Variants in PDZRN3 observed in about 807,000 individuals in gnomAD.
PDZRN3 encodes E3 ubiquitin-protein ligase PDZRN3.
A neutral mutation model predicts 85.7 loss-of-function variants in PDZRN3; 38 were observed. That is an observed-to-expected ratio of 0.44 (90% confidence interval 0.34 to 0.58). The LOEUF (loss-of-function observed/expected upper bound fraction) is 0.58. Ranked by LOEUF, PDZRN3 falls within the 20% of genes least tolerant of loss-of-function variation. The pLI, the probability that PDZRN3 is intolerant of heterozygous loss-of-function variation, is 0.01. For synonymous variants in PDZRN3, 759 were observed against 638.0 expected (o/e 1.19, Z -2.86); for missense variants, 1,629 against 1,506.4 (o/e 1.08, Z -1.35).
chr3:73,461,739 T>TA (rs1330585992), intron 3 of PDZRN3, among the ~76,000 whole-genome samples: 1 of 152,228 alleles, frequency 6.6e-6, no homozygotes, highest in Non-Finnish European at 1.5e-5. Context: ...CATGTGTACA[T>TA]AAAAAAAGTA....
At chr3:73,433,704 C>T in intron 3 of PDZRN3, 1 of 1,536,072 alleles carries the variant, frequency 6.5e-7, no homozygotes, top group Non-Finnish European at 8.7e-7. Flanking sequence ...AGACTGCATC[C>T]CATGTTTAGA....
At chr3:73,605,311 T>G (rs1438759258) in intron 2 of PDZRN3, among the ~76,000 whole-genome samples, 1 of 152,100 alleles carries the variant, frequency 6.6e-6, no homozygotes, top group Non-Finnish European at 1.5e-5. Context: ...TTTATCAAGG[T>G]GAACTAATAT....
intron 3 of PDZRN3, among the ~76,000 whole-genome samples, chr3:73,431,688 A>C (rs770106299): frequency 2.0e-5 from 3 of 152,238 alleles, no homozygotes; most frequent in African/African-American, 7.2e-5. Context: ...TTTCTTGAAA[A>C]TAAATCTGCA....
chr3:73,487,859 T>C (rs1355663301), intron 3 of PDZRN3, among the ~76,000 whole-genome samples: 1 of 152,200 alleles, frequency 6.6e-6, no homozygotes, highest in African/African-American at 2.4e-5. Flanking sequence ...AGCATTCACC[T>C]TTAAGGCCAT....
chr3:73,467,470 C>G (rs534650352), intron 3 of PDZRN3, among the ~76,000 whole-genome samples: 4 of 152,204 alleles, frequency 2.6e-5, no homozygotes, highest in African/African-American at 9.6e-5. Flanking sequence ...TTCTACACAG[C>G]GATTCCCAGT....
At chr3:73,575,455 C>A (rs1309162953) in intron 3 of PDZRN3, among the ~76,000 whole-genome samples, 1 of 152,124 alleles carries the variant, frequency 6.6e-6, no homozygotes, top group Non-Finnish European at 1.5e-5. Context: ...CTTTTTCTCC[C>A]AGAATTTGAT....
At chr3:73,422,675 T>C (rs1575642374) in intron 3 of PDZRN3, among the ~76,000 whole-genome samples, 1 of 152,176 alleles carries the variant, frequency 6.6e-6, no homozygotes, top group African/African-American at 2.4e-5. Flanking sequence ...ATGGACCCTT[T>C]TGGTCAATTT....
At chr3:73,432,283 G>A (rs1702447869) in intron 3 of PDZRN3, among the ~76,000 whole-genome samples, 1 of 150,144 alleles carries the variant, frequency 6.7e-6, no homozygotes, top group Non-Finnish European at 1.5e-5. Context: ...CAGATCGCCA[G>A]TGGTGAAAGC....
At chr3:73,565,320 G>C (rs1029245712) in intron 3 of PDZRN3, among the ~76,000 whole-genome samples, 10 of 151,796 alleles carry the variant, frequency 6.6e-5, no homozygotes, top group African/African-American at 2.4e-4. Context: ...GGTAGAGACG[G>C]GGTTTCACTA....
intron 3 of PDZRN3, among the ~76,000 whole-genome samples, chr3:73,463,809 T>A (rs935321377): frequency 3.3e-5 from 5 of 152,136 alleles, no homozygotes; most frequent in African/African-American, 1.2e-4. Context: ...GAAAATGTGG[T>A]ACATATACAC....
intron 3 of PDZRN3, among the ~76,000 whole-genome samples, chr3:73,412,833 G>T (rs2106751916): frequency 6.6e-6 from 1 of 152,302 alleles, no homozygotes; most frequent in East Asian, 1.9e-4. Context: ...TCATTGATTT[G>T]CAGAATCAAT....
rs984388915 is a variant in PDZRN3, at chr3:73,408,009, C to T, written c.919-3614G>A. On this transcript the variant is annotated intron_variant, in intron 3 of 9. Coordinates refer to ENST00000263666, the MANE Select transcript of PDZRN3 (RefSeq NM_015009.3). ...CCCTGTCATCCCACACAAGAATGTC[C>T]CCCCTGCCTACAGCTGGGTTCCACA... 14 of 608,992 alleles carry T rather than the reference C, an allele frequency of 2.3e-5. No homozygotes were observed. The Admixed American group carries it at 3.9e-4, about 17-fold the overall frequency. The allele number at this position is 608,992 out of a possible 1,614,324, so 37.7% of individuals were successfully genotyped here. A position where few individuals can be genotyped will look rare whatever the true frequency, so the allele number is the denominator to read the frequency against.
chr3:73,400,109 T>C (rs778703065), intron 5 of PDZRN3, among the ~76,000 whole-genome samples: 15 of 152,312 alleles, frequency 9.8e-5, no homozygotes, highest in Admixed American at 1.3e-4. Flanking sequence ...GGGTGACCTT[T>C]TGATGGTACC....
At chr3:73,420,701 T>G (rs1425580443) in intron 3 of PDZRN3, among the ~76,000 whole-genome samples, 2 of 152,124 alleles carry the variant, frequency 1.3e-5, no homozygotes, top group African/African-American at 2.4e-5. Context: ...TTTGACCCAA[T>G]TTTGGAAGCC....
chr3:73,438,970 G>C (rs1375366771), intron 3 of PDZRN3, among the ~76,000 whole-genome samples: 1 of 152,184 alleles, frequency 6.6e-6, no homozygotes, highest in Non-Finnish European at 1.5e-5. Flanking sequence ...CCTCTGCCTG[G>C]AATGCTCAAT....
intron 3 of PDZRN3, chr3:73,433,790 T>C (rs1702479076): frequency 1.3e-6 from 2 of 1,519,882 alleles, no homozygotes; most frequent in African/African-American, 2.8e-5. Context: ...GCATTGAAGG[T>C]ATCCTTGGAG....
At chr3:73,512,539 T>A (rs1575701058) in intron 3 of PDZRN3, among the ~76,000 whole-genome samples, 1 of 152,064 alleles carries the variant, frequency 6.6e-6, no homozygotes, top group Non-Finnish European at 1.5e-5. Context: ...TTTTCTTTTT[T>A]TTTTCCGGGG....
At chr3:73,587,370 CA>C (rs1376232103) in intron 3 of PDZRN3, among the ~76,000 whole-genome samples, 1 of 152,040 alleles carries the variant, frequency 6.6e-6, no homozygotes, top group Non-Finnish European at 1.5e-5. Flanking sequence ...AGGTCAGTAC[CA>C]AAAAAGTTTG....
chr3:73,547,930 C>A (rs1476765419), intron 3 of PDZRN3, among the ~76,000 whole-genome samples: 1 of 152,142 alleles, frequency 6.6e-6, no homozygotes, highest in African/African-American at 2.4e-5. Context: ...TCTTGGACAC[C>A]AAAGAGCTCT....
Sources: allele counts gnomAD v4.1 joint callset (sites outside exome capture counted in the v4.1 genomes callset), GRCh38; gene constraint gnomAD v4.1.1; transcripts MANE v1.5; gene names NCBI Gene and HGNC (gene_info 2026-07-23, HGNC 2026-07-21).